The following OCLN variants were observed in gnomAD, a reference collection of about 807,000 sequenced individuals.
OCLN encodes the protein occludin.
Under a neutral mutation model 47.9 loss-of-function variants are expected in OCLN, and 21 were observed. The ratio of observed to expected loss-of-function variants is 0.44; its 90% CI spans 0.31 to 0.63. The LOEUF is 0.63. Among genes scored for constraint, OCLN ranks in the 30% least tolerant of loss-of-function variants. OCLN has a pLI of 0.08. For missense variants in OCLN, 360 were observed against 571.0 expected (o/e 0.63, Z 3.77); for synonymous variants, 117 against 198.4 (o/e 0.59, Z 3.45).
intron 4 of OCLN, among the ~76,000 whole-genome samples, chr5:69,529,723 C>T (rs918350742): frequency 6.6e-6 from 1 of 152,104 alleles, no homozygotes; most frequent in Non-Finnish European, 1.5e-5. Flanking sequence ...TCTGCCTCAG[C>T]CACCAAGTAG....
At chr5:69,505,206 C>T (rs191315706) in intron 2 of OCLN, among the ~76,000 whole-genome samples, 12 of 152,122 alleles carry the variant, frequency 7.9e-5, no homozygotes, top group East Asian at 1.9e-4. Context: ...GCTGAGATGG[C>T]GCCATTGCAC....
intron 1 of OCLN, among the ~76,000 whole-genome samples, chr5:69,496,961 C>G (rs1029983674): frequency 1.3e-5 from 2 of 152,018 alleles, no homozygotes; most frequent in Non-Finnish European, 2.9e-5. Flanking sequence ...CTCATTTTTT[C>G]CTTCACTCAA....
At chr5:69,533,034 C>CACATATATATATACACATATAT (rs1280341346) in intron 4 of OCLN, among the ~76,000 whole-genome samples, 3 of 135,772 alleles carry the variant, frequency 2.2e-5, no homozygotes, top group South Asian at 2.2e-4. Flanking sequence ...TATACACACA[C>CACATATATATATACACATATAT]ACATGTATAT....
intron 4 of OCLN, among the ~76,000 whole-genome samples, chr5:69,522,344 A>C (rs995691846): frequency 6.6e-6 from 1 of 152,156 alleles, no homozygotes; most frequent in African/African-American, 2.4e-5. Context: ...GTACATTTTA[A>C]CATCCTTGAT....
intron 1 of OCLN, among the ~76,000 whole-genome samples, chr5:69,498,164 C>A (rs1036719463): frequency 6.6e-6 from 1 of 151,658 alleles, no homozygotes. Context: ...TAAATTAGTT[C>A]TCCTCTATAC....
chr5:69,515,815 G>C (rs963111731), intron 4 of OCLN, among the ~76,000 whole-genome samples: 2 of 151,440 alleles, frequency 1.3e-5, no homozygotes, highest in Non-Finnish European at 2.9e-5. Context: ...TCACCTCCCA[G>C]ACGGGGTCGC....
intron 2 of OCLN, among the ~76,000 whole-genome samples, chr5:69,507,971 GTGAT>G (rs1309576688): frequency 6.6e-6 from 1 of 152,112 alleles, no homozygotes; most frequent in African/African-American, 2.4e-5. Flanking sequence ...ACTTCATCAC[GTGAT>G]TGATGTAAAA....
chr5:69,533,402 A>T (rs1308709102), intron 4 of OCLN, among the ~76,000 whole-genome samples: 3 of 152,178 alleles, frequency 2.0e-5, no homozygotes, highest in African/African-American at 7.2e-5. Flanking sequence ...AGTGGATAGA[A>T]ACAAAGTTGT....
chr5:69,505,627 G>A (rs957070848), intron 2 of OCLN, among the ~76,000 whole-genome samples: 2 of 152,152 alleles, frequency 1.3e-5, no homozygotes. Flanking sequence ...TCTAAAACAA[G>A]CAGTGTTGAG....
chr5:69,503,214 G>C (rs1474694616), intron 1 of OCLN, among the ~76,000 whole-genome samples: 7 of 152,084 alleles, frequency 4.6e-5, no homozygotes, highest in Admixed American at 3.9e-4. Context: ...TGCTGCTGCT[G>C]ACTGTAGGTG....
rs1001528379 is a variant in OCLN, at chr5:69,504,250, A to G, written c.6A>G (p.Ser2=). 14 of 1,609,118 alleles carry G rather than the reference A, an allele frequency of 8.7e-6. 1 individual carries two copies. In the Admixed American group the frequency reaches 2.2e-4, roughly 25 times the overall value. The change falls in exon 2 of 9, where the codon TCA becomes TCG. Residue 2 remains serine (S), a synonymous_variant. Transcript: ENST00000396442. ...CTGACCATTGACAATCAGCCATGTC[A>G]TCCAGGCCTCTTGAAAGTCCACCTC... The part of the protein sequence containing the change: M[S]SRPLESPPPY...
intron 3 of OCLN, among the ~76,000 whole-genome samples, chr5:69,511,525 C>T (rs1420413757): frequency 2.6e-5 from 4 of 152,012 alleles, no homozygotes; most frequent in African/African-American, 9.7e-5. Flanking sequence ...GACCCTCCTA[C>T]CTCAGTCTCC....
intron 2 of OCLN, among the ~76,000 whole-genome samples, chr5:69,508,715 G>A (rs1768679846): frequency 6.6e-6 from 1 of 152,146 alleles, no homozygotes; most frequent in Non-Finnish European, 1.5e-5. Flanking sequence ...TAGCTATGGA[G>A]TATTCCATTG....
At chr5:69,530,026 A>G (rs1290956936) in intron 4 of OCLN, among the ~76,000 whole-genome samples, 1 of 152,176 alleles carries the variant, frequency 6.6e-6, no homozygotes, top group Non-Finnish European at 1.5e-5. Flanking sequence ...AATTATGCCT[A>G]GCTGGTTTTC....
At chr5:69,506,350 T>G (rs1212070139) in intron 2 of OCLN, among the ~76,000 whole-genome samples, 1 of 152,058 alleles carries the variant, frequency 6.6e-6, no homozygotes, top group Non-Finnish European at 1.5e-5. Flanking sequence ...GATGAAGAGG[T>G]GGACAGGGCG....
At chr5:69,506,675 A>T (rs994451330) in intron 2 of OCLN, among the ~76,000 whole-genome samples, 8 of 152,174 alleles carry the variant, frequency 5.3e-5, no homozygotes, top group African/African-American at 1.9e-4. Context: ...GAGTCCAAAG[A>T]TTTTAGGAGT....
intron 4 of OCLN, among the ~76,000 whole-genome samples, chr5:69,517,312 A>G (rs78843421): frequency 2.4e-5 from 2 of 82,228 alleles, no homozygotes; most frequent in Non-Finnish European, 2.9e-5. Context: ...ATATATATAT[A>G]TATTTTTTTT....
At chr5:69,524,354 A>G (rs1358531906) in intron 4 of OCLN, among the ~76,000 whole-genome samples, 2 of 152,324 alleles carry the variant, frequency 1.3e-5, no homozygotes, top group East Asian at 1.9e-4. Flanking sequence ...ACTTGCTTCT[A>G]CCTGCCCCCA....
At chr5:69,524,953 C>G (rs1769236759) in intron 4 of OCLN, among the ~76,000 whole-genome samples, 1 of 152,132 alleles carries the variant, frequency 6.6e-6, no homozygotes, top group Admixed American at 6.5e-5. Context: ...TCCCAAAGTT[C>G]TGGGATTACA....
Sources: gnomAD v4.1 joint callset for allele counts (sites outside exome capture counted in the v4.1 genomes callset) on GRCh38, gnomAD v4.1.1 for gene constraint, MANE v1.5 for transcripts, NCBI Gene and HGNC (gene_info 2026-07-23, HGNC 2026-07-21) for gene names.